PGM5: variants seen among roughly 807,000 people sequenced by gnomAD.
The protein encoded by PGM5 is phosphoglucomutase 5.
In PGM5, 23 loss-of-function variants were observed where a neutral mutation model predicts 59.2. The observed-to-expected ratio is 0.39, with a 90% CI of 0.28 to 0.55. The LOEUF (loss-of-function observed/expected upper bound fraction) is 0.55. Among genes scored for constraint, PGM5 ranks in the 20% least tolerant of loss-of-function variants. PGM5 has a pLI of 0.66. For missense variants in PGM5, 574 were observed against 748.3 expected (o/e 0.77, Z 2.72); for synonymous variants, 214 against 286.0 (o/e 0.75, Z 2.54).
chr9:68,420,022 C>A (rs1161245575), intron 6 of PGM5, among the ~76,000 whole-genome samples: 2 of 152,136 alleles, frequency 1.3e-5, no homozygotes, highest in African/African-American at 4.8e-5. Flanking sequence ...GTCTTGACCC[C>A]AGTGTTTGGA....
At chr9:68,521,901 C>A (rs2132119625) in intron 10 of PGM5, among the ~76,000 whole-genome samples, 1 of 152,270 alleles carries the variant, frequency 6.6e-6, no homozygotes, top group East Asian at 1.9e-4. Context: ...GGCCAGTGCT[C>A]TTGCTCTCTC....
At chr9:68,486,810 A>T (rs916676830) in intron 9 of PGM5, among the ~76,000 whole-genome samples, 3 of 152,200 alleles carry the variant, frequency 2.0e-5, no homozygotes, top group Non-Finnish European at 4.4e-5. Flanking sequence ...TTGCTGGGTC[A>T]AATGGTATCT....
chr9:68,456,970 C>A (rs76282961), intron 6 of PGM5, among the ~76,000 whole-genome samples: 5 of 152,046 alleles, frequency 3.3e-5, no homozygotes, highest in Admixed American at 3.3e-4. Flanking sequence ...GACATGATAC[C>A]TGGCTGTTAT....
At chr9:68,403,817 C>A (rs1822736433) in intron 6 of PGM5, among the ~76,000 whole-genome samples, 1 of 152,098 alleles carries the variant, frequency 6.6e-6, no homozygotes, top group Admixed American at 6.5e-5. Flanking sequence ...TGTATTACCC[C>A]CAAGGTGGTA....
At chr9:68,454,726 G>A (rs919999559) in intron 6 of PGM5, among the ~76,000 whole-genome samples, 1 of 152,178 alleles carries the variant, frequency 6.6e-6, no homozygotes, top group Non-Finnish European at 1.5e-5. Context: ...TGGGGACTGA[G>A]AGTCCCTACT....
chr9:68,372,034 A>C (rs1244347594), intron 1 of PGM5, among the ~76,000 whole-genome samples: 1 of 152,232 alleles, frequency 6.6e-6, no homozygotes, highest in Non-Finnish European at 1.5e-5. Context: ...TAAGGGAATA[A>C]ATTTTAATTG....
At position 68,446,918 on chromosome 9, in the gene PGM5, A is replaced by G. The variant is rs184627717; in HGVS notation, c.1044-18175A>G. Among the ~76,000 whole-genome samples the G allele has an allele frequency of 3.3e-5, 5 of 152,300 alleles. No homozygotes were observed. The East Asian group carries it at 9.7e-4, about 29-fold the overall frequency. ...CCTCCACTCTTTTGCTTCATAAATT[A>G]GAAGGGAGGATGCCATTGTAATACT... is the stretch of plus-strand genomic sequence containing the variant. On this transcript the variant is annotated intron_variant, in intron 6 of 10. Coordinates refer to ENST00000396396, the MANE Select transcript of PGM5 (RefSeq NM_021965.4).
intron 6 of PGM5, among the ~76,000 whole-genome samples, chr9:68,436,439 G>T (rs1472177199): frequency 6.6e-6 from 1 of 152,174 alleles, no homozygotes; most frequent in African/African-American, 2.4e-5. Flanking sequence ...GGACCCGGAA[G>T]ATAAAAAATG....
At chr9:68,366,747 T>C (rs1373328227) in intron 1 of PGM5, among the ~76,000 whole-genome samples, 2 of 152,034 alleles carry the variant, frequency 1.3e-5, no homozygotes. Flanking sequence ...TATTTCCTCA[T>C]TTATAAAAAT....
At chr9:68,480,953 G>A (rs770185193) in intron 8 of PGM5, among the ~76,000 whole-genome samples, 7 of 152,146 alleles carry the variant, frequency 4.6e-5, no homozygotes, top group Non-Finnish European at 7.4e-5. Flanking sequence ...TTAGGAGGAG[G>A]GAGTAGGAAA....
At chr9:68,426,207 C>T (rs1823234661) in intron 6 of PGM5, among the ~76,000 whole-genome samples, 1 of 151,452 alleles carries the variant, frequency 6.6e-6, no homozygotes, top group Non-Finnish European at 1.5e-5. Context: ...AAATTTTCTA[C>T]TCTGAACTTG....
At chr9:68,522,063 T>C (rs1824906916) in intron 10 of PGM5, among the ~76,000 whole-genome samples, 2 of 152,188 alleles carry the variant, frequency 1.3e-5, no homozygotes, top group Non-Finnish European at 2.9e-5. Context: ...AAGGCCGGCC[T>C]GGCCCACATG....
At chr9:68,449,201 C>A (rs1417777001) in intron 6 of PGM5, among the ~76,000 whole-genome samples, 1 of 152,226 alleles carries the variant, frequency 6.6e-6, no homozygotes, top group Non-Finnish European at 1.5e-5. Context: ...CCAAAGCCTA[C>A]CTCCTAATAA....
intron 10 of PGM5, among the ~76,000 whole-genome samples, chr9:68,520,089 C>CA (rs34710126): frequency 0.8 from 103,849 of 129,088 alleles, 42,608 homozygotes; most frequent in Non-Finnish European, 0.91. Flanking sequence ...GACCCTGTCT[C>CA]AAAAAAAAAA....
Position 68,357,166 on chromosome 9 carries a change from C to T in PGM5, c.39C>T (p.Thr13=), listed in dbSNP as rs1365750736. The change falls in exon 1 of 11, where the codon ACC becomes ACT. Residue 13 remains threonine (T), a synonymous_variant. Transcript: ENST00000396396. The stretch of plus-strand genomic sequence containing the variant: ...CCATCCCGGTGCTGACAGTGCCCAC[C>T]GCGCCCTACGAGGACCAGCGGCCGG... ...GSPIPVLTVP[T]APYEDQRPAG... 2.6e-6 allele frequency: 4 copies of T among 1,536,024 alleles called. No homozygotes were observed. The highest frequency in any genetic ancestry group is 1.2e-5 in the South Asian group (1 of 83,780).
intron 10 of PGM5, among the ~76,000 whole-genome samples, chr9:68,529,164 C>CGTGTGTGTGTGT (rs3223716): frequency 0.013 from 1,649 of 131,914 alleles, 17 homozygotes; most frequent in Middle Eastern, 0.024. Context: ...CTTTTATTCT[C>CGTGTGTGTGTGT]GTGTGTGTGT....
chr9:68,479,390 C>T, intron 7 of PGM5, 28 bp from the exon 8 acceptor site: 1 of 1,587,520 alleles, frequency 6.3e-7, no homozygotes, highest in Non-Finnish European at 8.5e-7. Context: ...CAAATGAATG[C>T]TCAGCAGAAT....
chr9:68,358,709 T>C (rs1218244735), intron 1 of PGM5, among the ~76,000 whole-genome samples: 3 of 152,152 alleles, frequency 2.0e-5, no homozygotes, highest in African/African-American at 7.2e-5. Context: ...ATTTATCTAC[T>C]ATAATTCCTC....
At chr9:68,399,400 A>G (rs1822607160) in intron 6 of PGM5, 2 of 152,200 alleles carry the variant, frequency 1.3e-5, no homozygotes, top group African/African-American at 4.8e-5. Flanking sequence ...CAGAATGCCC[A>G]TCTCTTGCCT....
Sources: allele counts gnomAD v4.1 joint callset (sites outside exome capture counted in the v4.1 genomes callset), GRCh38; gene constraint gnomAD v4.1.1; transcripts MANE v1.5; gene names NCBI Gene and HGNC (gene_info 2026-07-23, HGNC 2026-07-21).